VWA3B: variants seen among roughly 807,000 people sequenced by gnomAD.
VWA3B encodes von Willebrand factor A domain containing 3B.
Under a neutral mutation model 158.3 loss-of-function variants are expected in VWA3B, and 138 were observed. That is an observed-to-expected ratio of 0.87 (90% confidence interval 0.76 to 1.00). The LOEUF is 1.00. Ranked by LOEUF, VWA3B falls within the 50% of genes least tolerant of loss-of-function variation. The pLI is 0.00. For missense variants in VWA3B, 1,555 were observed against 1,565.1 expected (o/e 0.99, Z 0.11); for synonymous variants, 596 against 587.3 (o/e 1.01, Z -0.21).
chr2:98,146,900 G>A (rs1343644682), intron 7 of VWA3B, among the ~76,000 whole-genome samples: 1 of 152,212 alleles, frequency 6.6e-6, no homozygotes, highest in East Asian at 1.9e-4. Context: ...AAGAGCAAAT[G>A]TGGAACCTGA....
rs1008315827 is a variant in VWA3B, at chr2:98,214,205, A to C, written c.1836+2177A>C. 3.3e-5 allele frequency among the ~76,000 whole-genome samples: 5 copies of C among 151,868 alleles called. No individual in the cohort carries two copies. In the East Asian group the frequency reaches 5.8e-4, roughly 18 times the overall value. Reference sequence around the variant, plus strand: ...GTCCCTGTCTCTAAGAAAAAAACAAAAAAAAAAGCAAAACACAAAAAAAAC... The same window carrying C: ...GTCCCTGTCTCTAAGAAAAAAACAACAAAAAAAGCAAAACACAAAAAAAAC... On this transcript the variant is annotated intron_variant, in intron 13 of 27. Transcript: ENST00000477737.
At chr2:98,308,107 T>C (rs72819903) in intron 26 of VWA3B, among the ~76,000 whole-genome samples, 19,224 of 152,234 alleles carry the variant, frequency 0.13, 1,811 homozygotes, top group Non-Finnish European at 0.19. Context: ...TTAAAGACTT[T>C]TTTTAAAAAA....
chr2:98,194,390 C>T lies in VWA3B; in HGVS notation c.1635C>T (p.Asn545=), dbSNP rs1215776400. 6.2e-7 allele frequency: 1 copy of T among 1,613,862 alleles called. No individual in the cohort carries two copies. Among genetic ancestry groups the T allele is most frequent in the Non-Finnish European group, 8.5e-7 (1 of 1,179,874 alleles). Residue 545 remains asparagine, a synonymous_variant, in exon 12 of 28, where the codon AAC becomes AAT. Transcript: ENST00000477737. ...QEQLKYKSKF[N]FVKFDGQAVA... is the part of the protein sequence containing the mutation. ...AGCTGAAATATAAAAGTAAGTTTAACTTTGTGAAGTTTGATGGTCAAGCAG... is the reference window on the plus strand; with the variant it reads ...AGCTGAAATATAAAAGTAAGTTTAATTTTGTGAAGTTTGATGGTCAAGCAG...
At chr2:98,128,158 G>A (rs1471482490) in intron 5 of VWA3B, 81 bp from the exon 6 acceptor site, 2 of 1,503,462 alleles carry the variant, frequency 1.3e-6, no homozygotes, top group African/African-American at 1.4e-5. Flanking sequence ...AGATCGTTTT[G>A]TAGAATGGGT....
At chr2:98,269,786 T>C (rs1399192928) in intron 21 of VWA3B, among the ~76,000 whole-genome samples, 1 of 152,234 alleles carries the variant, frequency 6.6e-6, no homozygotes, top group Admixed American at 6.5e-5. Flanking sequence ...AGTGTCTCTG[T>C]AGGGGAATGA....
intron 21 of VWA3B, among the ~76,000 whole-genome samples, chr2:98,259,596 T>G (rs1190921638): frequency 3.3e-5 from 5 of 151,776 alleles, no homozygotes; most frequent in Non-Finnish European, 5.9e-5. Context: ...TGTGCCTGCT[T>G]TCACTTCTGA....
intron 19 of VWA3B, among the ~76,000 whole-genome samples, chr2:98,244,067 T>C (rs1686240032): frequency 6.6e-6 from 1 of 152,244 alleles, no homozygotes. Flanking sequence ...GCTAGAATGT[T>C]GTCAGGTGGA....
At chr2:98,178,331 T>C (rs1208891972) in intron 8 of VWA3B, among the ~76,000 whole-genome samples, 2 of 152,182 alleles carry the variant, frequency 1.3e-5, no homozygotes, top group African/African-American at 4.8e-5. Flanking sequence ...CAAGCTTCTT[T>C]GAGAAGTCCC....
intron 20 of VWA3B, among the ~76,000 whole-genome samples, chr2:98,252,585 C>T (rs757121641): frequency 4.6e-5 from 7 of 152,038 alleles, no homozygotes; most frequent in Non-Finnish European, 8.8e-5. Flanking sequence ...ATCTATCTCA[C>T]AGGTCTGTTG....
downstream of VWA3B, among the ~76,000 whole-genome samples, chr2:98,313,457 C>G (rs1188207323): frequency 5.9e-5 from 9 of 152,164 alleles, no homozygotes; most frequent in Non-Finnish European, 1.2e-4. Context: ...GGCTCTGGAG[C>G]AGTCTCCGCT....
intron 3 of VWA3B, among the ~76,000 whole-genome samples, chr2:98,117,829 G>A (rs928596913): frequency 7.3e-6 from 1 of 137,136 alleles, no homozygotes; most frequent in African/African-American, 2.8e-5. Context: ...AGCTCACTCC[G>A]CCTCCTGCGT....
intron 7 of VWA3B, among the ~76,000 whole-genome samples, chr2:98,147,504 A>G (rs1677260097): frequency 6.6e-6 from 1 of 152,238 alleles, no homozygotes; most frequent in African/African-American, 2.4e-5. Context: ...TGAATTTTCT[A>G]CTTAATATAG....
intron 5 of VWA3B, among the ~76,000 whole-genome samples, chr2:98,126,977 A>C (rs1573838385): frequency 4.4e-5 from 5 of 112,968 alleles, no homozygotes; most frequent in Admixed American, 1.9e-4. Flanking sequence ...CCCGCCCCCC[A>C]CCCTCCCGGC....
At chr2:98,327,537 A>G in the VWA3B span, among the ~76,000 whole-genome samples, 4 of 152,222 alleles carry the variant, frequency 2.6e-5, no homozygotes, top group Admixed American at 6.5e-5. Context: ...TCAAAACTCT[A>G]TGTAATTCAG....
At chr2:98,251,371 C>T (rs1686791531) in intron 20 of VWA3B, among the ~76,000 whole-genome samples, 4 of 152,166 alleles carry the variant, frequency 2.6e-5, no homozygotes, top group African/African-American at 7.2e-5. Flanking sequence ...GAAATAACGG[C>T]TTTTGTTAAT....
chr2:98,136,492 C>A (rs1237062369), intron 7 of VWA3B, among the ~76,000 whole-genome samples: 1 of 151,858 alleles, frequency 6.6e-6, no homozygotes. Context: ...AGGCACTAGC[C>A]GATTTGGTGT....
intron 5 of VWA3B, among the ~76,000 whole-genome samples, chr2:98,123,954 T>C (rs1675165595): frequency 6.6e-6 from 1 of 152,242 alleles, no homozygotes; most frequent in African/African-American, 2.4e-5. Flanking sequence ...ATTCTGTTCT[T>C]AGCCTCTCTT....
intron 7 of VWA3B, among the ~76,000 whole-genome samples, chr2:98,147,473 A>G (rs1295986252): frequency 6.6e-6 from 1 of 152,232 alleles, no homozygotes; most frequent in Admixed American, 6.5e-5. Context: ...GCATAAATAT[A>G]TTATTGTACA....
chr2:98,296,665 G>T (rs1186833779), intron 23 of VWA3B, among the ~76,000 whole-genome samples: 1 of 152,176 alleles, frequency 6.6e-6, no homozygotes, highest in African/African-American at 2.4e-5. Flanking sequence ...ATGCCGTGGA[G>T]CCCAGCGGGA....
Sources: allele counts gnomAD v4.1 joint callset (sites outside exome capture counted in the v4.1 genomes callset), GRCh38; gene constraint gnomAD v4.1.1; transcripts MANE v1.5; gene names NCBI Gene and HGNC (gene_info 2026-07-23, HGNC 2026-07-21).